The following ROR2 variants were observed in gnomAD, a reference collection of about 807,000 sequenced individuals.
ROR2 encodes tyrosine-protein kinase transmembrane receptor ROR2.
A neutral mutation model predicts 74.9 loss-of-function variants in ROR2; 33 were observed. That is an observed-to-expected ratio of 0.44 (90% CI 0.33 to 0.59). ROR2 has a LOEUF of 0.59. Among genes scored for constraint, ROR2 ranks in the 20% least tolerant of loss-of-function variants. The probability of loss-of-function intolerance (pLI) is 0.02; values close to 1 mark genes in which losing one functional copy is unlikely to be tolerated. For synonymous variants in ROR2, 586 were observed against 558.7 expected (o/e 1.05, Z -0.69); for missense variants, 1,216 against 1,313.8 (o/e 0.93, Z 1.15).
At chr9:91,850,474 CTG>C (rs904982426) in intron 1 of ROR2, among the ~76,000 whole-genome samples, 8 of 152,134 alleles carry the variant, frequency 5.3e-5, no homozygotes, top group Admixed American at 1.3e-4. Context: ...CAAGAAAAGA[CTG>C]TGACGCTGAA....
At chr9:91,948,601 G>A in intron 1 of ROR2, 2 of 985,424 alleles carry the variant, frequency 2.0e-6, no homozygotes, top group Non-Finnish European at 2.4e-6. Context: ...TTTCTGACTC[G>A]CGTACCTTGG....
chr9:91,850,638 C>A (rs1034512722), intron 1 of ROR2, among the ~76,000 whole-genome samples: 1 of 152,164 alleles, frequency 6.6e-6, no homozygotes, highest in Non-Finnish European at 1.5e-5. Flanking sequence ...AGACTTCTGG[C>A]CTGCAGAACT....
At chr9:91,883,443 T>C (rs1402645185) in intron 1 of ROR2, 17 of 152,204 alleles carry the variant, frequency 1.1e-4, no homozygotes, top group Admixed American at 1.1e-3. Context: ...GTAACAGCAC[T>C]GTCCAATATA....
At chr9:91,927,233 C>G (rs10992163) in intron 1 of ROR2, among the ~76,000 whole-genome samples, 21,571 of 152,118 alleles carry the variant, frequency 0.14, 3,355 homozygotes, top group African/African-American at 0.39. Context: ...GGTCAGAGAC[C>G]CACAGCTCCC....
chr9:91,787,932 G>A (rs4744100), intron 1 of ROR2, among the ~76,000 whole-genome samples: 131,837 of 152,196 alleles, frequency 0.87, 57,962 homozygotes, highest in Non-Finnish European at 0.93. Flanking sequence ...ACTTTAAATA[G>A]GATGTTATAA....
At chr9:91,927,657 A>G in intron 1 of ROR2, among the ~76,000 whole-genome samples, 1 of 139,514 alleles carries the variant, frequency 7.2e-6, no homozygotes, top group African/African-American at 2.7e-5. Context: ...TCCACCTCCC[A>G]GGTTCAAGCA....
At chr9:91,865,837 C>A (rs190050976) in intron 1 of ROR2, among the ~76,000 whole-genome samples, 58 of 152,302 alleles carry the variant, frequency 3.8e-4, no homozygotes, top group African/African-American at 1.4e-3. Flanking sequence ...CAGTGATGTT[C>A]AACAGGGCCC....
chr9:91,756,220 T>C (rs1825745579), intron 3 of ROR2, 119 bp from the exon 4 acceptor site: 13 of 907,166 alleles, frequency 1.4e-5, no homozygotes, highest in South Asian at 2.8e-5. Flanking sequence ...TGGGCAGCTG[T>C]CCTCGGGCCT....
At chr9:91,750,323 A>G (rs1240449043) in intron 4 of ROR2, among the ~76,000 whole-genome samples, 1 of 152,258 alleles carries the variant, frequency 6.6e-6, no homozygotes, top group African/African-American at 2.4e-5. Context: ...CACTGTTCCC[A>G]GGGAAAATAC....
At chr9:91,942,250 T>TGATG (rs1831893105) in intron 1 of ROR2, among the ~76,000 whole-genome samples, 2 of 152,308 alleles carry the variant, frequency 1.3e-5, no homozygotes, top group South Asian at 4.1e-4. Context: ...GCAACCTAAA[T>TGATG]GATGTATGCT....
intron 4 of ROR2, among the ~76,000 whole-genome samples, chr9:91,740,981 T>C (rs1825216472): frequency 6.6e-6 from 1 of 151,922 alleles, no homozygotes; most frequent in Non-Finnish European, 1.5e-5. Context: ...CAAGAAGTGA[T>C]TGTCAGGGAG....
chr9:91,869,051 G>A (rs1054501343), intron 1 of ROR2, among the ~76,000 whole-genome samples: 3 of 152,058 alleles, frequency 2.0e-5, no homozygotes, highest in African/African-American at 7.2e-5. Flanking sequence ...ACCTACACGT[G>A]AATATATTTT....
At chr9:91,829,368 C>A (rs761182340) in intron 1 of ROR2, among the ~76,000 whole-genome samples, 2 of 151,948 alleles carry the variant, frequency 1.3e-5, no homozygotes, top group African/African-American at 2.4e-5. Flanking sequence ...CACGGTGAAA[C>A]CCCGTCTCTA....
chr9:91,913,053 C>T (rs540687029), intron 1 of ROR2, among the ~76,000 whole-genome samples: 2 of 152,116 alleles, frequency 1.3e-5, no homozygotes, highest in South Asian at 2.1e-4. Context: ...CGCTTGAACC[C>T]GGGAAGCAGA....
intron 2 of ROR2, among the ~76,000 whole-genome samples, chr9:91,775,117 G>GTTT (rs1826376980): frequency 6.6e-6 from 1 of 152,240 alleles, no homozygotes; most frequent in South Asian, 2.1e-4. Context: ...GAACTAGGAA[G>GTTT]TGTGTGTGTT....
chr9:91,751,755 C>T (rs577716114), intron 4 of ROR2, among the ~76,000 whole-genome samples: 9 of 152,216 alleles, frequency 5.9e-5, no homozygotes, highest in Middle Eastern at 3.4e-3. Flanking sequence ...TCAAAGCACA[C>T]GTATTTTTGA....
rs114078962 is a variant in ROR2 at position 91,722,776 on chromosome 9, C to T, written c.*886G>A. The T allele has an allele frequency of 6.7e-6, 4 of 600,870 alleles. No homozygotes were observed. Among genetic ancestry groups the T allele is most frequent in the Admixed American group, 2.8e-5 (1 of 36,250 alleles). 37.2% of individuals were successfully genotyped at this position (600,870 alleles called of 1,614,324 possible). ...CAAACCAAGACCAACTGGATCCCAA[C>T]GTGGGTAACATAAACAGTTAAATTA... is the stretch of plus-strand genomic sequence containing the variant. On this transcript the variant is annotated 3_prime_UTR_variant, in exon 9 of 9. Coordinates refer to ENST00000375708, the MANE Select transcript of ROR2 (RefSeq NM_004560.4).
intron 1 of ROR2, among the ~76,000 whole-genome samples, chr9:91,813,152 C>T (rs1014901220): frequency 3.3e-5 from 5 of 152,022 alleles, no homozygotes; most frequent in African/African-American, 1.2e-4. Flanking sequence ...CAGGTGCTGC[C>T]CCCTCAAGAT....
chr9:91,791,299 T>C (rs1343749692), intron 1 of ROR2, among the ~76,000 whole-genome samples: 1 of 152,242 alleles, frequency 6.6e-6, no homozygotes, highest in Non-Finnish European at 1.5e-5. Flanking sequence ...TCCAGTAACA[T>C]GCTGTACAGG....
Sources: gnomAD v4.1 joint callset for allele counts (sites outside exome capture counted in the v4.1 genomes callset) on GRCh38, gnomAD v4.1.1 for gene constraint, MANE v1.5 for transcripts, NCBI Gene and HGNC (gene_info 2026-07-23, HGNC 2026-07-21) for gene names.